The following STAT4 variants were observed in gnomAD, a reference collection of about 807,000 sequenced individuals.
STAT4 encodes the protein signal transducer and activator of transcription 4.
A neutral mutation model predicts 110.5 loss-of-function variants in STAT4; 42 were observed. The ratio of observed to expected loss-of-function variants is 0.38; its 90% CI spans 0.30 to 0.49. STAT4 has a LOEUF of 0.49. Among genes scored for constraint, STAT4 ranks in the 20% least tolerant of loss-of-function variants. The pLI is 0.95. For missense variants in STAT4, 632 were observed against 887.9 expected (o/e 0.71, Z 3.66); for synonymous variants, 284 against 302.2 (o/e 0.94, Z 0.63).
Position 191,077,145 on chromosome 2 carries a change from T to C in STAT4, c.274-820A>G, listed in dbSNP as rs532118794. Reference sequence around the variant, plus strand: ...ACATCTAAGCATATACATCTTTTATTACCAAGGTTAATGATGCAGATACTG... The same window carrying C: ...ACATCTAAGCATATACATCTTTTATCACCAAGGTTAATGATGCAGATACTG... On this transcript the variant is annotated intron_variant, in intron 3 of 23. Coordinates refer to ENST00000392320, the MANE Select transcript of STAT4 (RefSeq NM_003151.4). The surrounding 1 kb of genome is among the most constrained non-coding windows in gnomAD (Gnocchi z 4.1). Among the ~76,000 whole-genome samples the C allele has an allele frequency of 1.2e-4, 19 of 152,344 alleles. No homozygotes were observed. Among genetic ancestry groups the C allele is most frequent in the African/African-American group, 4.6e-4 (19 of 41,576 alleles).
chr2:191,106,757 C>T lies in STAT4; in HGVS notation c.274-30432G>A, dbSNP rs200947061. ...GAAAAATGTGCATGAGTCAATAAATCATTTTAGAAAAGTGAACATACAGCC... is the reference window on the plus strand; with the variant it reads ...GAAAAATGTGCATGAGTCAATAAATTATTTTAGAAAAGTGAACATACAGCC... On this transcript the variant is annotated intron_variant, in intron 3 of 23. Coordinates refer to ENST00000392320, the MANE Select transcript of STAT4 (RefSeq NM_003151.4). Among the ~76,000 whole-genome samples the T allele has an allele frequency of 4.6e-5, 7 of 152,050 alleles. No individual in the cohort carries two copies. In the East Asian group the frequency reaches 1.3e-3, roughly 29 times the overall value.
At position 191,060,712 on chromosome 2, in the gene STAT4, C is replaced by A. The variant is rs111636605; in HGVS notation, c.1034+1017G>T. On this transcript the variant is annotated intron_variant, in intron 10 of 23. Transcript: ENST00000392320. This position sits in a 1 kb window ranked among gnomAD's most constrained non-coding sequence, Gnocchi z 4.5. The stretch of plus-strand genomic sequence containing the variant: ...GGGATTATAGGCGTGAGCCACCATG[C>A]CTGGCCAACAGTGCAATTTAAAAAG... 5.2e-4 allele frequency among the ~76,000 whole-genome samples: 79 copies of A among 152,328 alleles called. No homozygotes were observed. The highest frequency in any genetic ancestry group is 1.8e-3 in the African/African-American group (76 of 41,572).
chr2:191,111,400 G>A (rs1044037226), intron 3 of STAT4, among the ~76,000 whole-genome samples: 2 of 152,024 alleles, frequency 1.3e-5, no homozygotes, highest in Non-Finnish European at 1.5e-5. Context: ...TGAATATTTC[G>A]GAGTATAACT....
chr2:191,124,221 C>T (rs186695914), intron 3 of STAT4, among the ~76,000 whole-genome samples: 5 of 152,232 alleles, frequency 3.3e-5, no homozygotes, highest in South Asian at 2.1e-4. Flanking sequence ...CCTTGGGACG[C>T]GGAGGCTGGC....
intron 16 of STAT4, 91 bp from the exon 17 acceptor site, chr2:191,036,390 C>T: frequency 1.5e-6 from 2 of 1,311,272 alleles, no homozygotes; most frequent in Admixed American, 4.0e-5. Flanking sequence ...TCCCCCTCTC[C>T]CCACACACAT....
In STAT4 at chr2:191,061,023, C is replaced by T. The variant is rs1210741812; in HGVS notation, c.1034+706G>A. ...TTTAAAACTTTAGTGCTTGGAGTTTCAGGCATGATGAGAACCTTTGAAAGT... is the reference window on the plus strand; with the variant it reads ...TTTAAAACTTTAGTGCTTGGAGTTTTAGGCATGATGAGAACCTTTGAAAGT... On this transcript the variant is annotated intron_variant, in intron 10 of 23. Coordinates refer to ENST00000392320, the MANE Select transcript of STAT4 (RefSeq NM_003151.4). This position sits in a 1 kb window ranked among gnomAD's most constrained non-coding sequence, Gnocchi z 6.2. Among the ~76,000 whole-genome samples the T allele has an allele frequency of 6.6e-6, 1 of 152,112 alleles. No individual in the cohort carries two copies. The highest frequency in any genetic ancestry group is 1.5e-5 in the Non-Finnish European group (1 of 68,032).
At chr2:191,105,744 A>G (rs747031351) in intron 3 of STAT4, among the ~76,000 whole-genome samples, 60 of 152,340 alleles carry the variant, frequency 3.9e-4, no homozygotes, top group Non-Finnish European at 5.7e-4. Context: ...TAGTCTTCAA[A>G]AACACAATGC....
At chr2:191,034,455 G>T in intron 18 of STAT4, 93 bp downstream of exon 18, 1 of 976,904 alleles carries the variant, frequency 1.0e-6, no homozygotes, top group Non-Finnish European at 1.6e-6. Flanking sequence ...TTCTTATCTG[G>T]GAAATTCTCA....
At chr2:191,136,046 A>G (rs1699175384) in intron 3 of STAT4, among the ~76,000 whole-genome samples, 1 of 151,484 alleles carries the variant, frequency 6.6e-6, no homozygotes, top group Non-Finnish European at 1.5e-5. Flanking sequence ...AACCAATGTG[A>G]TCAAGTGGGA....
Position 191,034,588 on chromosome 2 carries a change from C to G in STAT4, c.1580G>C (p.Ser527Thr). 1 of 1,612,766 alleles carries G rather than the reference C, an allele frequency of 6.2e-7. No homozygotes were observed. The highest frequency in any genetic ancestry group is 8.5e-7 in the Non-Finnish European group (1 of 1,178,818). Residue 527 changes from serine (S) to threonine (T), a missense_variant, in exon 18 of 24, where the codon AGC becomes ACC. Ser to Thr is a moderately conservative substitution (Grantham distance 58). This residue lies in a region of STAT4 where 488 missense variants were observed against 632.8 expected (regional missense o/e 0.77). Coordinates refer to ENST00000392320, the MANE Select transcript of STAT4 (RefSeq NM_003151.4). ...MLAEKLTVQS[S>T]YSDGHLTWAK... Reference sequence around the variant, plus strand: ...CCAGGTGAGGTGACCATCACTGTAGCTAGATTGGACTGAAATGAAAGAAAA... The same window carrying G: ...CCAGGTGAGGTGACCATCACTGTAGGTAGATTGGACTGAAATGAAAGAAAA...
chr2:191,054,126 C>CAA (rs1351116378), intron 14 of STAT4, among the ~76,000 whole-genome samples: 632 of 51,706 alleles, frequency 0.012, 7 homozygotes, highest in African/African-American at 0.038. Context: ...AGACCCTTCT[C>CAA]AAAAAAAAAA....
At chr2:191,056,122 A>G (rs966421584) in intron 13 of STAT4, among the ~76,000 whole-genome samples, 1 of 152,248 alleles carries the variant, frequency 6.6e-6, no homozygotes, top group Non-Finnish European at 1.5e-5. Context: ...TATCTTTTAG[A>G]AACATTTTAT....
At chr2:191,080,075 C>T (rs1697420051) in intron 3 of STAT4, among the ~76,000 whole-genome samples, 1 of 152,094 alleles carries the variant, frequency 6.6e-6, no homozygotes, top group Admixed American at 6.6e-5. Context: ...GTGCTACTGT[C>T]ATACACATTT....
intron 3 of STAT4, among the ~76,000 whole-genome samples, chr2:191,139,504 GC>G (rs1699265807): frequency 6.6e-6 from 1 of 151,994 alleles, no homozygotes; most frequent in Admixed American, 6.6e-5. Flanking sequence ...TACAATAGCT[GC>G]AAAAAAGAAA....
rs766676927 is a variant in STAT4, at chr2:191,059,796, G to A, written c.1035-1027C>T. 8.5e-4 allele frequency among the ~76,000 whole-genome samples: 129 copies of A among 152,184 alleles called. No homozygotes were observed. Among genetic ancestry groups the A allele is most frequent in the Non-Finnish European group, 2.8e-4 (19 of 68,026 alleles). On this transcript the variant is annotated intron_variant, in intron 10 of 23. Transcript: ENST00000392320. The surrounding 1 kb of genome is among the most constrained non-coding windows in gnomAD (Gnocchi z 4.7). ...AAGTCCTGTACAAGGCACAAGATTG[G>A]TTCAGGATCTGGAGTATGTTGAGTG... is the stretch of plus-strand genomic sequence containing the variant.
In STAT4 at chr2:191,053,846, G is replaced by A. The variant is rs1359302481; in HGVS notation, c.1251+644C>T. On this transcript the variant is annotated intron_variant, in intron 14 of 23. Coordinates refer to ENST00000392320, the MANE Select transcript of STAT4 (RefSeq NM_003151.4). The surrounding 1 kb of genome is among the most constrained non-coding windows in gnomAD (Gnocchi z 4.5). ...TTAAAATTATGGAAAACTGTTCTCC[G>A]GGCTGGGCACGGTGGCTCACGCCTA... Among the ~76,000 whole-genome samples the A allele has an allele frequency of 8.5e-5, 13 of 152,078 alleles. No homozygotes were observed. The highest frequency in any genetic ancestry group is 6.5e-4 in the Admixed American group (10 of 15,276).
At chr2:191,101,493 A>G (rs1222070410) in intron 3 of STAT4, among the ~76,000 whole-genome samples, 1 of 152,186 alleles carries the variant, frequency 6.6e-6, no homozygotes, top group Non-Finnish European at 1.5e-5. Flanking sequence ...ACAATATTTT[A>G]GCCCTAGTCT....
chr2:191,128,449 C>T (rs928500792), intron 3 of STAT4, among the ~76,000 whole-genome samples: 1 of 152,196 alleles, frequency 6.6e-6, no homozygotes, highest in Admixed American at 6.5e-5. Context: ...TTTCAAGCCA[C>T]TTTTCTTTCC....
rs1698311447 is a variant in STAT4 at position 191,107,415 on chromosome 2, A to G, written c.274-31090T>C. On this transcript the variant is annotated intron_variant, in intron 3 of 23. Transcript: ENST00000392320. The surrounding 1 kb of genome is among the most constrained non-coding windows in gnomAD (Gnocchi z 4.2). ...GGCACCACACTAAGCCCTTAATTGA[A>G]TTGTCATTTGGTCCCCACAACAGCC... is the stretch of plus-strand genomic sequence containing the variant. Among the ~76,000 whole-genome samples, 1 of 152,184 alleles carries G rather than the reference A, an allele frequency of 6.6e-6. No homozygotes were observed. The highest frequency in any genetic ancestry group is 2.4e-5 in the African/African-American group (1 of 41,452).
Sources: gnomAD v4.1 joint callset for allele counts (sites outside exome capture counted in the v4.1 genomes callset) on GRCh38, gnomAD v4.1.1 for gene constraint, gnomAD v4.1.1 regional missense constraint, Gnocchi (gnomAD v3.1) non-coding constraint, MANE v1.5 for transcripts, NCBI Gene and HGNC (gene_info 2026-07-23, HGNC 2026-07-21) for gene names.